Variants in WASF1 observed in about 807,000 individuals in gnomAD.
WASF1 encodes WASP family member 1.
WASF1 carries 7 observed loss-of-function variants against 50.5 expected under a neutral mutation model. The ratio of observed to expected loss-of-function variants is 0.14; its 90% CI spans 0.08 to 0.26. WASF1 has a LOEUF of 0.26. Among genes scored for constraint, WASF1 ranks in the 10% least tolerant of loss-of-function variants. WASF1 has a pLI of 1.00. For missense variants in WASF1, 470 were observed against 694.7 expected (o/e 0.68, Z 3.64); for synonymous variants, 205 against 244.0 (o/e 0.84, Z 1.49).
chr6:110,173,687 G>A (rs1226344051), intron 2 of WASF1, among the ~76,000 whole-genome samples: 1 of 152,182 alleles, frequency 6.6e-6, no homozygotes, highest in Admixed American at 6.5e-5. Flanking sequence ...ATACAGTCAG[G>A]ACTCTGTGCA....
intron 10 of WASF1, among the ~76,000 whole-genome samples, 160 bp from the exon 11 acceptor site, chr6:110,100,839 A>C (rs1327155558): frequency 6.6e-6 from 1 of 152,178 alleles, no homozygotes; most frequent in African/African-American, 2.4e-5. Flanking sequence ...GAGGCATTAA[A>C]TCTTTATGTT....
chr6:110,119,577 C>A, intron 4 of WASF1, among the ~76,000 whole-genome samples: 1 of 152,086 alleles, frequency 6.6e-6, no homozygotes, highest in Non-Finnish European at 1.5e-5. Flanking sequence ...AAGCCCAGGA[C>A]CAGACAGATG....
chr6:110,134,209 T>C (rs1301992126), intron 3 of WASF1, among the ~76,000 whole-genome samples: 1 of 151,758 alleles, frequency 6.6e-6, no homozygotes, highest in African/African-American at 2.4e-5. Flanking sequence ...TATGCCACCA[T>C]GCTTGGCCTT....
chr6:110,103,174 T>G (rs1773167200), intron 9 of WASF1, among the ~76,000 whole-genome samples: 1 of 152,210 alleles, frequency 6.6e-6, no homozygotes, highest in African/African-American at 2.4e-5. Context: ...TGCTCCCTGT[T>G]TTTATAAATA....
At chr6:110,148,647 T>C (rs1775688763) in intron 3 of WASF1, among the ~76,000 whole-genome samples, 1 of 152,114 alleles carries the variant, frequency 6.6e-6, no homozygotes, top group Admixed American at 6.6e-5. Flanking sequence ...CGATTTTCTA[T>C]GTTGTCCTAA....
Position 110,101,818 on chromosome 6 carries a change from G to C in WASF1, c.1292C>G (p.Pro431Arg). The change falls in exon 10 of 11, where the codon CCT becomes CGT. Residue 431 changes from proline (P) to arginine (R), a missense_variant. This residue lies in a region of WASF1 where 294 missense variants were observed against 343.5 expected (regional missense o/e 0.86). Coordinates refer to ENST00000392589, the MANE Select transcript of WASF1 (RefSeq NM_003931.3). The part of the protein sequence containing the change: ...QGLPPPPPPP[P>R]LPPPGIRPSS... Reference sequence around the variant, plus strand: ...TGGTCGAATGCCAGGTGGAGGCAGAGGAGGCGGTGGTGGGGGTGGAGGCAG... The same window carrying C: ...TGGTCGAATGCCAGGTGGAGGCAGACGAGGCGGTGGTGGGGGTGGAGGCAG... 6.2e-7 allele frequency: 1 copy of C among 1,614,170 alleles called. No individual in the cohort carries two copies. The highest frequency in any genetic ancestry group is 8.5e-7 in the Non-Finnish European group (1 of 1,180,020).
At chr6:110,161,630 A>G (rs77360745) in intron 2 of WASF1, among the ~76,000 whole-genome samples, 11,030 of 151,628 alleles carry the variant, frequency 0.073, 547 homozygotes, top group African/African-American at 0.14. Context: ...GTTGCTTTCT[A>G]TAGCTTTTTT....
chr6:110,128,922 G>A (rs1298632750), intron 3 of WASF1, among the ~76,000 whole-genome samples: 1 of 152,162 alleles, frequency 6.6e-6, no homozygotes, highest in Non-Finnish European at 1.5e-5. Context: ...CTCCTTATGA[G>A]AATCTAATTA....
chr6:110,103,246 A>T (rs1773172341), intron 9 of WASF1, 132 bp downstream of exon 9: 1 of 894,764 alleles, frequency 1.1e-6, no homozygotes, highest in Non-Finnish European at 1.7e-6. Flanking sequence ...GCTTTCATGC[A>T]ACAATGGCAG....
At chr6:110,158,651 A>G (rs921694782) in intron 3 of WASF1, among the ~76,000 whole-genome samples, 1 of 151,960 alleles carries the variant, frequency 6.6e-6, no homozygotes, top group South Asian at 2.1e-4. Flanking sequence ...TGACCCCAAG[A>G]TAAAATAAGT....
At chr6:110,163,620 G>A (rs988147466) in intron 2 of WASF1, among the ~76,000 whole-genome samples, 2 of 151,472 alleles carry the variant, frequency 1.3e-5, no homozygotes, top group Non-Finnish European at 3.0e-5. Flanking sequence ...GTCCATAACA[G>A]ATAAGAAAAC....
At chr6:110,105,099 C>T (rs1008587280) in intron 8 of WASF1, among the ~76,000 whole-genome samples, 36 of 152,198 alleles carry the variant, frequency 2.4e-4, no homozygotes, top group African/African-American at 7.9e-4. Context: ...ACTTTTATTA[C>T]AAAATTCTAG....
At chr6:110,141,775 T>TC (rs1365693929) in intron 3 of WASF1, among the ~76,000 whole-genome samples, 1 of 151,866 alleles carries the variant, frequency 6.6e-6, no homozygotes, top group Non-Finnish European at 1.5e-5. Context: ...CACTTATCTT[T>TC]TTTTTTTTTT....
intron 2 of WASF1, among the ~76,000 whole-genome samples, chr6:110,173,135 A>G (rs963102370): frequency 6.6e-6 from 1 of 152,164 alleles, no homozygotes; most frequent in African/African-American, 2.4e-5. Context: ...AGGTGAAAAC[A>G]TAACACACTT....
At chr6:110,105,665 A>G in intron 7 of WASF1, 86 bp from the exon 8 acceptor site, 2 of 1,251,140 alleles carry the variant, frequency 1.6e-6, no homozygotes, top group Non-Finnish European at 2.3e-6. Flanking sequence ...AAACTCTAAC[A>G]TCAACACTGA....
At chr6:110,140,964 T>C (rs1476539212) in intron 3 of WASF1, among the ~76,000 whole-genome samples, 1 of 152,034 alleles carries the variant, frequency 6.6e-6, no homozygotes, top group Non-Finnish European at 1.5e-5. Flanking sequence ...AAAGGATGAA[T>C]CACATTCCAG....
intron 1 of WASF1, among the ~76,000 whole-genome samples, chr6:110,179,061 G>C (rs1157665340): frequency 1.3e-5 from 2 of 152,256 alleles, no homozygotes; most frequent in African/African-American, 2.4e-5. Context: ...ATTCTCTGTC[G>C]CCCGGGGCTA....
intron 3 of WASF1, among the ~76,000 whole-genome samples, chr6:110,141,452 C>T (rs1004618019): frequency 6.6e-6 from 1 of 152,176 alleles, no homozygotes; most frequent in African/African-American, 2.4e-5. Flanking sequence ...TGAAGACTAA[C>T]TGAATCCCCC....
chr6:110,158,521 T>TTCCAATAA (rs1776121498), intron 3 of WASF1, among the ~76,000 whole-genome samples: 1 of 130,946 alleles, frequency 7.6e-6, no homozygotes, highest in African/African-American at 3.3e-5. Context: ...CTGGATTCAT[T>TTCCAATAA]GATTTTTTGA....
Sources: allele counts gnomAD v4.1 joint callset (sites outside exome capture counted in the v4.1 genomes callset), GRCh38; gene constraint gnomAD v4.1.1; regional missense constraint gnomAD v4.1.1; transcripts MANE v1.5; gene names NCBI Gene and HGNC (gene_info 2026-07-23, HGNC 2026-07-21).